Variants in DLG2 observed in about 807,000 individuals in gnomAD.
DLG2 encodes disks large homolog 2.
Under a neutral mutation model 132.5 loss-of-function variants are expected in DLG2, and 45 were observed. The ratio of observed to expected loss-of-function variants is 0.34; its 90% CI spans 0.27 to 0.44. The LOEUF (loss-of-function observed/expected upper bound fraction) is 0.44, where lower values mean the gene tolerates loss of function less well. Ranked by LOEUF, DLG2 falls within the 20% of genes least tolerant of loss-of-function variation. The pLI is 1.00. For synonymous variants in DLG2, 424 were observed against 419.6 expected, an observed-to-expected ratio of 1.01 and a Z score of -0.13; for missense variants, 1,045 against 1,196.9, an observed-to-expected ratio of 0.87 and a Z score of 1.87.
chr11:84,472,742 G>A (rs1294311111), intron 7 of DLG2, among the ~76,000 whole-genome samples: 1 of 151,654 alleles, frequency 6.6e-6, no homozygotes, highest in Non-Finnish European at 1.5e-5. Flanking sequence ...CTTAATCAAG[G>A]GCAGGTTGTG....
intron 16 of DLG2, among the ~76,000 whole-genome samples, chr11:83,866,249 T>G (rs1041805526): frequency 6.6e-6 from 1 of 152,072 alleles, no homozygotes. Context: ...AGAATCAAGT[T>G]AAAAAAGGAC....
intron 6 of DLG2, among the ~76,000 whole-genome samples, chr11:84,813,087 T>C (rs1203747282): frequency 2.0e-5 from 3 of 152,100 alleles, no homozygotes; most frequent in Non-Finnish European, 2.9e-5. Context: ...CACTGGCATA[T>C]ATAAGAGTGA....
intron 6 of DLG2, among the ~76,000 whole-genome samples, chr11:84,693,183 C>T (rs2058239235): frequency 6.6e-6 from 1 of 151,746 alleles, no homozygotes; most frequent in African/African-American, 2.4e-5. Flanking sequence ...AGTATATTAT[C>T]GCTGTTAATT....
At chr11:85,549,409 G>A (rs749260953) in intron 3 of DLG2, among the ~76,000 whole-genome samples, 11 of 152,156 alleles carry the variant, frequency 7.2e-5, no homozygotes, top group African/African-American at 9.7e-5. Context: ...GCTGCAGACC[G>A]GAGCTGTTCC....
chr11:84,882,114 A>G (rs546018188), intron 6 of DLG2, among the ~76,000 whole-genome samples: 1 of 152,240 alleles, frequency 6.6e-6, no homozygotes, highest in South Asian at 2.1e-4. Context: ...AAATGAAATT[A>G]CTACTACTCT....
rs144915070 is a variant in DLG2, at chr11:84,307,108, C to T, written c.520-55817G>A. Among the ~76,000 whole-genome samples the T allele has an allele frequency of 3.4e-3, 525 of 152,204 alleles. 1 individual carries two copies. Among genetic ancestry groups the T allele is most frequent in the Non-Finnish European group, 4.6e-3 (311 of 68,018 alleles). The stretch of plus-strand genomic sequence containing the variant: ...GACATGGAATCAACCTAGGTGTCCA[C>T]CAACGGTAGAATGGATAAAGAAAAT... On this transcript the variant is annotated intron_variant, in intron 7 of 27. Transcript: ENST00000376104.
chr11:83,724,726 C>T (rs530580759), intron 18 of DLG2: 33 of 627,322 alleles, frequency 5.3e-5, no homozygotes, highest in African/African-American at 4.3e-4. Context: ...TACTAACAAA[C>T]GGCAGGGAAA....
intron 11 of DLG2, among the ~76,000 whole-genome samples, chr11:84,028,826 G>A (rs1455296642): frequency 3.3e-5 from 5 of 152,010 alleles, no homozygotes; most frequent in Non-Finnish European, 7.4e-5. Context: ...TCTCTTCTAT[G>A]ACACTCTTCT....
chr11:83,571,205 G>A (rs1405471386), intron 19 of DLG2, among the ~76,000 whole-genome samples: 2 of 150,178 alleles, frequency 1.3e-5, no homozygotes, highest in African/African-American at 5.0e-5. Flanking sequence ...AAATAAATAT[G>A]GGTTTTTTTC....
At chr11:83,465,588 A>G (rs2090872874) in intron 26 of DLG2, among the ~76,000 whole-genome samples, 1 of 152,176 alleles carries the variant, frequency 6.6e-6, no homozygotes. Context: ...GGTACTGTTT[A>G]TGTGTTTTAT....
chr11:83,627,320 T>C (rs2062720442), intron 19 of DLG2, among the ~76,000 whole-genome samples: 1 of 152,242 alleles, frequency 6.6e-6, no homozygotes, highest in East Asian at 1.9e-4. Flanking sequence ...AACTCGTCAT[T>C]TAGCATTAGG....
At chr11:85,607,178 G>C (rs2080626028) in intron 2 of DLG2, among the ~76,000 whole-genome samples, 1 of 152,128 alleles carries the variant, frequency 6.6e-6, no homozygotes, top group African/African-American at 2.4e-5. Flanking sequence ...ACACCTATTG[G>C]CCAGTTAAAA....
chr11:85,118,689 C>T (rs368501046), intron 5 of DLG2, among the ~76,000 whole-genome samples: 27 of 152,058 alleles, frequency 1.8e-4, no homozygotes, highest in Non-Finnish European at 3.4e-4. Context: ...TGTATCATCA[C>T]ATTAACCCTA....
chr11:84,990,133 A>C (rs1042494032), intron 6 of DLG2, among the ~76,000 whole-genome samples: 2 of 152,190 alleles, frequency 1.3e-5, no homozygotes, highest in African/African-American at 2.4e-5. Context: ...TATGTGAAGA[A>C]CTCCACAACT....
At chr11:84,206,531 G>A (rs2096667725) in intron 8 of DLG2, among the ~76,000 whole-genome samples, 1 of 151,860 alleles carries the variant, frequency 6.6e-6, no homozygotes, top group South Asian at 2.1e-4. Flanking sequence ...TATATAAATA[G>A]GATAATACAT....
intron 16 of DLG2, among the ~76,000 whole-genome samples, chr11:83,845,828 T>G (rs2058508445): frequency 6.6e-6 from 1 of 150,540 alleles, no homozygotes; most frequent in Non-Finnish European, 1.5e-5. Flanking sequence ...TTGGTGTAGT[T>G]TCTTGAGGTC....
At chr11:84,714,682 C>T (rs1438380847) in intron 6 of DLG2, among the ~76,000 whole-genome samples, 1 of 144,890 alleles carries the variant, frequency 6.9e-6, no homozygotes, top group South Asian at 2.2e-4. Context: ...TCTGCCTCCC[C>T]GCCCCACCCA....
chr11:83,890,262 G>A (rs1161686291), intron 15 of DLG2, among the ~76,000 whole-genome samples: 1 of 151,904 alleles, frequency 6.6e-6, no homozygotes, highest in Non-Finnish European at 1.5e-5. Flanking sequence ...ATTTCACATA[G>A]GAAAGAAATT....
chr11:85,069,890 C>G (rs1266730562), intron 6 of DLG2, among the ~76,000 whole-genome samples: 1 of 152,164 alleles, frequency 6.6e-6, no homozygotes, highest in East Asian at 1.9e-4. Flanking sequence ...ATAGCAAAGA[C>G]TTGGAACCAA....
Sources: allele counts gnomAD v4.1 joint callset (sites outside exome capture counted in the v4.1 genomes callset), GRCh38; gene constraint gnomAD v4.1.1; transcripts MANE v1.5; gene names NCBI Gene and HGNC (gene_info 2026-07-23, HGNC 2026-07-21).